TRIO: variants seen among roughly 807,000 people sequenced by gnomAD.
TRIO encodes trio Rho guanine nucleotide exchange factor.
In TRIO, 58 loss-of-function variants were observed where a neutral mutation model predicts 351.9. That is an observed-to-expected ratio of 0.16 (90% CI 0.13 to 0.21). The LOEUF (loss-of-function observed/expected upper bound fraction) is 0.21, where lower values mean the gene tolerates loss of function less well. TRIO is among the 10% of genes least tolerant of loss of function. TRIO has a pLI of 1.00. For synonymous variants in TRIO, 1,758 were observed against 1,595.7 expected (o/e 1.10, Z -2.42); for missense variants, 3,201 against 4,027.8 (o/e 0.79, Z 5.56).
intron 21 of TRIO, among the ~76,000 whole-genome samples, chr5:14,385,269 T>G (rs1414305947): frequency 6.6e-6 from 1 of 152,242 alleles, no homozygotes; most frequent in Non-Finnish European, 1.5e-5. Flanking sequence ...CTCAGGCACG[T>G]GTCTAACCAC....
intron 33 of TRIO, among the ~76,000 whole-genome samples, chr5:14,418,539 C>T (rs962514518): frequency 2.6e-5 from 4 of 152,044 alleles, no homozygotes; most frequent in Admixed American, 6.6e-5. Flanking sequence ...TACTGTTACC[C>T]AAAAGACAAC....
chr5:14,339,659 C>T (rs964300792), intron 11 of TRIO, among the ~76,000 whole-genome samples: 5 of 152,224 alleles, frequency 3.3e-5, no homozygotes, highest in Non-Finnish European at 7.3e-5. Context: ...TAGCAGGACA[C>T]ACGTGTGCCC....
At position 14,359,542 on chromosome 5, in the gene TRIO, C is replaced by T. The variant is rs201408364; in HGVS notation, c.2391+11C>T. On this transcript the variant is annotated intron_variant, in intron 13 of 56. Coordinates refer to ENST00000344204, the MANE Select transcript of TRIO (RefSeq NM_007118.4). Reference sequence around the variant, plus strand: ...AGGGACGCCATCGACGTGAGTGTCCCGCGGCTGGCGCCTGCCTGCCTGTGG... The same window carrying T: ...AGGGACGCCATCGACGTGAGTGTCCTGCGGCTGGCGCCTGCCTGCCTGTGG... 1.1e-5 allele frequency: 18 copies of T among 1,610,328 alleles called. No homozygotes were observed. Among genetic ancestry groups the T allele is most frequent in the Admixed American group, 1.0e-4 (6 of 59,956 alleles).
chr5:14,426,897 G>A (rs555528948), intron 34 of TRIO, among the ~76,000 whole-genome samples: 17 of 152,158 alleles, frequency 1.1e-4, no homozygotes, highest in Non-Finnish European at 2.5e-4. Context: ...TTAAAGGTAT[G>A]CACTTTATAT....
chr5:14,281,429 C>CA (rs1164530511), intron 3 of TRIO, among the ~76,000 whole-genome samples: 14 of 121,200 alleles, frequency 1.2e-4, no homozygotes, highest in African/African-American at 4.4e-4. Context: ...TTAGAACCCC[C>CA]CCCCCCCGCC....
chr5:14,288,086 A>G (rs1344637343), intron 4 of TRIO, among the ~76,000 whole-genome samples: 1 of 152,238 alleles, frequency 6.6e-6, no homozygotes, highest in African/African-American at 2.4e-5. Context: ...TCCATCAGAA[A>G]GATGAACCCA....
At chr5:14,417,427 G>A (rs1264597637) in intron 33 of TRIO, among the ~76,000 whole-genome samples, 2 of 152,210 alleles carry the variant, frequency 1.3e-5, no homozygotes, top group Admixed American at 1.3e-4. Flanking sequence ...ATAATCAACA[G>A]CACACAGCAT....
At chr5:14,489,296 G>A in intron 48 of TRIO, 1 of 424,914 alleles carries the variant, frequency 2.4e-6, no homozygotes, top group East Asian at 4.2e-5. Flanking sequence ...AATTGGGGAA[G>A]AAATTAACAA....
At position 14,417,489 on chromosome 5, in the gene TRIO, C is replaced by T. The variant is rs373778321; in HGVS notation, c.4960-2289C>T. 1.2e-4 allele frequency among the ~76,000 whole-genome samples: 19 copies of T among 152,354 alleles called. 1 individual carries two copies. The East Asian group carries it at 3.7e-3, about 29-fold the overall frequency. On this transcript the variant is annotated intron_variant, in intron 33 of 56. Coordinates refer to ENST00000344204, the MANE Select transcript of TRIO (RefSeq NM_007118.4). Reference sequence around the variant, plus strand: ...ACAAGGGGGCAGCCCCAGAACACAGCGGGAGTGTGAGCCATCGGAGGATGT... The same window carrying T: ...ACAAGGGGGCAGCCCCAGAACACAGTGGGAGTGTGAGCCATCGGAGGATGT...
At chr5:14,235,809 A>G (rs1221876142) in intron 1 of TRIO, among the ~76,000 whole-genome samples, 2 of 152,084 alleles carry the variant, frequency 1.3e-5, no homozygotes, top group Non-Finnish European at 2.9e-5. Flanking sequence ...ATAAAACTGT[A>G]CATTTTAATT....
rs182134713 is a variant in TRIO at position 14,254,471 on chromosome 5, G to A, written c.158-16354G>A. The stretch of plus-strand genomic sequence containing the variant: ...AACCCTCAGAAACTGCTTGCTGCAT[G>A]GAGGACCATGATCGCCTTGTCTGGT... On this transcript the variant is annotated intron_variant, in intron 1 of 56. Coordinates refer to ENST00000344204, the MANE Select transcript of TRIO (RefSeq NM_007118.4). Among the ~76,000 whole-genome samples the A allele has an allele frequency of 1.4e-4, 21 of 152,348 alleles. 1 individual carries two copies. Among genetic ancestry groups the A allele is most frequent in the Admixed American group, 1.3e-3 (20 of 15,306 alleles).
chr5:14,417,507 G>A (rs551058929), intron 33 of TRIO, among the ~76,000 whole-genome samples: 105 of 152,380 alleles, frequency 6.9e-4, no homozygotes, highest in African/African-American at 2.4e-3. Context: ...TGAGCCATCG[G>A]AGGATGTGCG....
At chr5:14,487,382 A>C in intron 47 of TRIO, 82 bp from the exon 48 acceptor site, 4 of 1,072,290 alleles carry the variant, frequency 3.7e-6, no homozygotes, top group Non-Finnish European at 4.6e-6. Context: ...GACCCATCCC[A>C]GGGTGGGCCC....
At chr5:14,430,453 G>T (rs1178233901) in intron 34 of TRIO, among the ~76,000 whole-genome samples, 1 of 152,052 alleles carries the variant, frequency 6.6e-6, no homozygotes, top group Non-Finnish European at 1.5e-5. Flanking sequence ...GATTTCCAAA[G>T]AGCAAGTAAC....
rs1267834817 is a variant in TRIO at position 14,369,655 on chromosome 5, G to C, written c.3216+132G>C. ...CTGCTGTGGAATGTAACGGGGCAGTGTCGCATCAGTGAGAAGTCAGCTGAA... is the reference window on the plus strand; with the variant it reads ...CTGCTGTGGAATGTAACGGGGCAGTCTCGCATCAGTGAGAAGTCAGCTGAA... On this transcript the variant is annotated intron_variant, in intron 18 of 56. Transcript: ENST00000344204. 3 of 1,158,468 alleles carry C rather than the reference G, an allele frequency of 2.6e-6. No homozygotes were observed. The African/African-American group carries it at 4.7e-5, about 18-fold the overall frequency. 71.8% of individuals were successfully genotyped at this position (1,158,468 alleles called of 1,614,324 possible).
Position 14,378,973 on chromosome 5 carries a change from A to T in TRIO, c.3447+846A>T, listed in dbSNP as rs530466770. Reference sequence around the variant, plus strand: ...ATGAAGTGCTTCTGCCTGTATCATCAGTCATGGACGAAGATCATTTTATTG... The same window carrying T: ...ATGAAGTGCTTCTGCCTGTATCATCTGTCATGGACGAAGATCATTTTATTG... On this transcript the variant is annotated intron_variant, in intron 20 of 56. Coordinates refer to ENST00000344204, the MANE Select transcript of TRIO (RefSeq NM_007118.4). Among the ~76,000 whole-genome samples the T allele has an allele frequency of 2.2e-4, 33 of 152,312 alleles. No individual in the cohort carries two copies. The East Asian group carries it at 5.8e-3, about 27-fold the overall frequency.
At chr5:14,171,306 C>T (rs1369951684) in intron 1 of TRIO, among the ~76,000 whole-genome samples, 3 of 152,118 alleles carry the variant, frequency 2.0e-5, no homozygotes, top group Non-Finnish European at 4.4e-5. Flanking sequence ...ATGAGAAAAA[C>T]CTGTTGACTA....
chr5:14,364,967 A>C, intron 15 of TRIO, 151 bp downstream of exon 15: 1 of 1,031,404 alleles, frequency 9.7e-7, no homozygotes. Flanking sequence ...GCACATACAC[A>C]CACCCCCGCC....
chr5:14,199,112 C>T (rs1281184939), intron 1 of TRIO, among the ~76,000 whole-genome samples: 1 of 135,284 alleles, frequency 7.4e-6, no homozygotes, highest in East Asian at 2.4e-4. Flanking sequence ...TGGCAGGTGC[C>T]TGTAATCCCA....
Sources: allele counts gnomAD v4.1 joint callset (sites outside exome capture counted in the v4.1 genomes callset), GRCh38; gene constraint gnomAD v4.1.1; transcripts MANE v1.5; gene names NCBI Gene and HGNC (gene_info 2026-07-23, HGNC 2026-07-21).